BORA: variants seen among roughly 807,000 people sequenced by gnomAD.
BORA encodes BORA aurora kinase A activator.
BORA carries 26 observed loss-of-function variants against 55.8 expected under a neutral mutation model. That is an observed-to-expected ratio of 0.47 (90% CI 0.34 to 0.65). BORA has a LOEUF of 0.65. Among genes scored for constraint, BORA ranks in the 30% least tolerant of loss-of-function variants. The pLI is 0.01. For synonymous variants in BORA, 201 were observed against 216.9 expected (o/e 0.93, Z 0.64); for missense variants, 568 against 671.5 (o/e 0.85, Z 1.70).
Position 72,735,252 on chromosome 13 carries a change from G to A in BORA, c.306+247G>A, listed in dbSNP as rs141534178. 7.7e-3 allele frequency among the ~76,000 whole-genome samples: 1,168 copies of A among 152,230 alleles called. 15 individuals are homozygous for A. Among genetic ancestry groups the A allele is most frequent in the Middle Eastern group, 0.014 (4 of 294 alleles). ...AGTTTAGTGTTTCTGTCCCCTAGAC[G>A]CAATCTTTTTTGGCCAATACTGTAC... is the stretch of plus-strand genomic sequence containing the variant. On this transcript the variant is annotated intron_variant, in intron 4 of 11. Transcript: ENST00000390667.
At chr13:72,745,369 T>G (rs545285261) in intron 8 of BORA, among the ~76,000 whole-genome samples, 162 bp downstream of exon 8, 5 of 152,200 alleles carry the variant, frequency 3.3e-5, no homozygotes, top group Admixed American at 6.5e-5. Context: ...TTTACTGGCC[T>G]AACCAGAAAC....
chr13:72,738,104 T>C, intron 5 of BORA, 61 bp downstream of exon 5: 1 of 1,179,732 alleles, frequency 8.5e-7, no homozygotes, highest in East Asian at 2.7e-5. Context: ...TAAAGCAACA[T>C]ATCATGAAGT....
intron 7 of BORA, 25 bp from the exon 8 acceptor site, chr13:72,744,956 C>G: frequency 1.9e-6 from 3 of 1,593,214 alleles, no homozygotes; most frequent in Non-Finnish European, 2.6e-6. Context: ...ACTAGCTTTG[C>G]CTTTTCTCCT....
At chr13:72,754,215 C>G (rs1430068568) in intron 11 of BORA, 1 of 158,630 alleles carries the variant, frequency 6.3e-6, no homozygotes, top group Non-Finnish European at 1.4e-5. Flanking sequence ...GTCTCAAACT[C>G]CTGGTGTCAA....
chr13:72,743,418 A>AT (rs899311755), intron 5 of BORA, 119 bp from the exon 6 acceptor site: 108 of 577,160 alleles, frequency 1.9e-4, no homozygotes, highest in Middle Eastern at 4.6e-4. Flanking sequence ...ATATATGCAG[A>AT]TTTTTTTTAA....
At position 72,755,600 on chromosome 13, in the gene BORA, T is replaced by C; in HGVS notation, c.*384T>C. 2.9e-6 allele frequency: 1 copy of C among 345,094 alleles called. No individual in the cohort carries two copies. The highest frequency in any genetic ancestry group is 5.2e-6 in the Non-Finnish European group (1 of 194,074). The allele number at this position is 345,094 out of a possible 1,614,324, so 21.4% of individuals were successfully genotyped here. A position where few individuals can be genotyped will look rare whatever the true frequency, so the allele number is the denominator to read the frequency against. On this transcript the variant is annotated 3_prime_UTR_variant, in exon 12 of 12. Transcript: ENST00000390667. The stretch of plus-strand genomic sequence containing the variant: ...CTATGTTAAAACTGAAGGCACTATA[T>C]ATTTTTACATAAAAGCTTGAACATA...
chr13:72,751,829 T>C (rs2033283801), intron 10 of BORA, among the ~76,000 whole-genome samples: 1 of 152,188 alleles, frequency 6.6e-6, no homozygotes, highest in Non-Finnish European at 1.5e-5. Flanking sequence ...CATATCAAAA[T>C]ATCATGTACA....
intron 4 of BORA, among the ~76,000 whole-genome samples, chr13:72,735,312 G>A (rs1025184249): frequency 1.3e-5 from 2 of 152,116 alleles, no homozygotes; most frequent in Non-Finnish European, 2.9e-5. Flanking sequence ...AGCACAATTT[G>A]TCTTCCTTGT....
In BORA at chr13:72,728,851, G is replaced by A. The variant is rs905730973; in HGVS notation, c.-15-75G>A. 4 of 1,318,140 alleles carry A rather than the reference G, an allele frequency of 3.0e-6. No individual in the cohort carries two copies. In the African/African-American group the frequency reaches 6.1e-5, roughly 20 times the overall value. 81.7% of individuals were successfully genotyped at this position (1,318,140 alleles called of 1,614,324 possible). ...TTGTTTTTTGTGACACATTTGTCGA[G>A]TACATTTTAATAGTTAAAATTAATA... On this transcript the variant is annotated intron_variant, in intron 1 of 11. Coordinates refer to ENST00000390667, the MANE Select transcript of BORA (RefSeq NM_024808.5).
intron 5 of BORA, among the ~76,000 whole-genome samples, chr13:72,742,417 C>G (rs1230936936): frequency 6.6e-6 from 1 of 151,764 alleles, no homozygotes; most frequent in African/African-American, 2.4e-5. Context: ...TTTAACTCTT[C>G]TTGTGAAAGA....
chr13:72,735,032 A>C lies in BORA; in HGVS notation c.306+27A>C, dbSNP rs369686134. 3 of 1,545,918 alleles carry C rather than the reference A, an allele frequency of 1.9e-6. No individual in the cohort carries two copies. In the African/African-American group the frequency reaches 4.1e-5, roughly 21 times the overall value. On this transcript the variant is annotated intron_variant, in intron 4 of 11. Coordinates refer to ENST00000390667, the MANE Select transcript of BORA (RefSeq NM_024808.5). The stretch of plus-strand genomic sequence containing the variant: ...TAACTTAAACTGTTACTGATCATTA[A>C]ATCAGTTAAGGATCAATTCTGCATG...
rs771178802 is a variant in BORA at position 72,738,077 on chromosome 13, A to C, written c.388+34A>C. ...ACTAAAAATGATATGAATAAAAATC[A>C]AAAAAGTCGGTGAATATAAAGCAAC... On this transcript the variant is annotated intron_variant, in intron 5 of 11. Coordinates refer to ENST00000390667, the MANE Select transcript of BORA (RefSeq NM_024808.5). The C allele has an allele frequency of 3.4e-6, 5 of 1,489,708 alleles. No homozygotes were observed. The East Asian group carries it at 9.5e-5, about 28-fold the overall frequency. The allele number at this position is 1,489,708 out of a possible 1,614,324, so 92.3% of individuals were successfully genotyped here. A position where few individuals can be genotyped will look rare whatever the true frequency, so the allele number is the denominator to read the frequency against.
At chr13:72,750,108 G>A (rs1440870) in intron 10 of BORA, among the ~76,000 whole-genome samples, 148,723 of 152,242 alleles carry the variant, frequency 0.98, 72,732 homozygotes, top group East Asian at 1. Flanking sequence ...GGAACTCTGA[G>A]GAAGAATTGA....
At chr13:72,737,938 A>C in intron 4 of BORA, 24 bp from the exon 5 acceptor site, 1 of 1,504,722 alleles carries the variant, frequency 6.6e-7, no homozygotes, top group Non-Finnish European at 9.1e-7. Context: ...TTTATGCCTA[A>C]TTGTATGACT....
intron 4 of BORA, among the ~76,000 whole-genome samples, chr13:72,735,923 G>A (rs2032917529): frequency 6.6e-6 from 1 of 152,086 alleles, no homozygotes; most frequent in South Asian, 2.1e-4. Flanking sequence ...ATCTAAGTAA[G>A]GGTTACTTAC....
intron 11 of BORA, 194 bp downstream of exon 11, chr13:72,754,015 A>C: frequency 1.9e-6 from 1 of 536,892 alleles, no homozygotes; most frequent in Non-Finnish European, 3.2e-6. Context: ...ACATACTACA[A>C]AGTGTGCAAA....
At chr13:72,730,909 A>G (rs2032799645) in intron 2 of BORA, among the ~76,000 whole-genome samples, 1 of 132,846 alleles carries the variant, frequency 7.5e-6, no homozygotes, top group South Asian at 2.6e-4. Context: ...AAAAAAAAAA[A>G]ATACAAAAAT....
chr13:72,747,221 TTA>T, intron 10 of BORA, 110 bp downstream of exon 10: 1 of 1,128,774 alleles, frequency 8.9e-7, no homozygotes, highest in African/African-American at 1.6e-5. Context: ...GACTACAGTA[TTA>T]TATAATATTT....
chr13:72,742,578 C>T (rs2033054017), intron 5 of BORA, among the ~76,000 whole-genome samples: 1 of 151,084 alleles, frequency 6.6e-6, no homozygotes, highest in African/African-American at 2.4e-5. Context: ...AAAAAAAAAA[C>T]ATTACTTTGG....
Sources: gnomAD v4.1 joint callset for allele counts (sites outside exome capture counted in the v4.1 genomes callset) on GRCh38, gnomAD v4.1.1 for gene constraint, MANE v1.5 for transcripts, NCBI Gene and HGNC (gene_info 2026-07-23, HGNC 2026-07-21) for gene names.